Variants in CSF1 observed in about 807,000 individuals in gnomAD.
CSF1 encodes colony stimulating factor 1.
Under a neutral mutation model 48.9 loss-of-function variants are expected in CSF1, and 9 were observed. The ratio of observed to expected loss-of-function variants is 0.18; its 90% CI spans 0.11 to 0.32. The LOEUF (loss-of-function observed/expected upper bound fraction) is 0.32, where lower values mean the gene tolerates loss of function less well. Ranked by LOEUF, CSF1 falls within the 10% of genes least tolerant of loss-of-function variation. CSF1 has a pLI of 1.00. For synonymous variants in CSF1, 305 were observed against 284.1 expected (o/e 1.07, Z -0.74); for missense variants, 672 against 697.9 (o/e 0.96, Z 0.42).
chr1:109,916,550 C>G lies in CSF1; in HGVS notation c.226-743C>G, dbSNP rs1338037170. On this transcript the variant is annotated intron_variant, in intron 3 of 8. Coordinates refer to ENST00000329608, the MANE Select transcript of CSF1 (RefSeq NM_000757.6). ...TCTTTCCAATGACTGTCATGCCTTT[C>G]CACCTGCCCCCCAATCATTATTCCA... Among the ~76,000 whole-genome samples the G allele has an allele frequency of 2.0e-5, 3 of 152,196 alleles. No homozygotes were observed. The South Asian group carries it at 6.2e-4, about 32-fold the overall frequency.
rs143457099 is a variant in CSF1 at position 109,924,020 on chromosome 1, C to A, written c.1399C>A (p.Pro467Thr). The change falls in exon 6 of 9, where the codon CCC becomes ACC. Residue 467 changes from proline (P) to threonine (T), a missense_variant. Pro to Thr is a conservative substitution (Grantham distance 38, BLOSUM62 -1). Around this residue, in one of 3 missense-constraint regions of CSF1, gnomAD observed 591 missense variants for 593.6 expected, o/e 1.00. Coordinates refer to ENST00000329608, the MANE Select transcript of CSF1 (RefSeq NM_000757.6). ...ACCAGCAAGTGAAGGGGCAGCCAGG[C>A]CCCTGCCCCGTTTTAACTCCGTTCC... ...GGPASEGAARPLPRFNSVPLT... is the reference protein window; with the variant it reads ...GGPASEGAARTLPRFNSVPLT... 6.2e-7 allele frequency: 1 copy of A among 1,614,212 alleles called. No individual in the cohort carries two copies. Among genetic ancestry groups the A allele is most frequent in the South Asian group, 1.1e-5 (1 of 91,090 alleles).
Position 109,920,207 on chromosome 1 carries a change from A to C in CSF1, c.397-1640A>C, listed in dbSNP as rs1428392890. Among the ~76,000 whole-genome samples, 8 of 151,442 alleles carry C rather than the reference A, an allele frequency of 5.3e-5. No homozygotes were observed. In the East Asian group the frequency reaches 7.7e-4, roughly 15 times the overall value. On this transcript the variant is annotated intron_variant, in intron 4 of 8. Coordinates refer to ENST00000329608, the MANE Select transcript of CSF1 (RefSeq NM_000757.6). ...AGACTTCATCTCAAAAAAAAAAAAA[A>C]TGTTTACCAGATAGACGTACGAATG... is the stretch of plus-strand genomic sequence containing the variant.
At chr1:109,912,718 G>A (rs952400983) in intron 1 of CSF1, among the ~76,000 whole-genome samples, 6 of 152,160 alleles carry the variant, frequency 3.9e-5, no homozygotes, top group African/African-American at 1.4e-4. Flanking sequence ...TCCAGACCTT[G>A]AGTGGCAGCC....
At position 109,910,901 on chromosome 1, in the gene CSF1, G is replaced by A; in HGVS notation, c.-123G>A. The A allele has an allele frequency of 1.5e-6, 1 of 685,934 alleles. No homozygotes were observed. The highest frequency in any genetic ancestry group is 1.9e-6 in the Non-Finnish European group (1 of 531,362). 42.5% of individuals were successfully genotyped at this position (685,934 alleles called of 1,614,324 possible). A position where few individuals can be genotyped will look rare whatever the true frequency, so the allele number is the denominator to read the frequency against. ...TTGCCTGGGTCCTCTCGGCGCCAGA[G>A]CCGCTCTCCGCATCCCAGGACAGCG... On this transcript the variant is annotated 5_prime_UTR_variant, in exon 1 of 9. Transcript: ENST00000329608.
Position 109,923,740 on chromosome 1 carries a change from G to T in CSF1, c.1119G>T (p.Val373=). The change falls in exon 6 of 9, where the codon GTG becomes GTT. Residue 373 remains valine, a synonymous_variant. Coordinates refer to ENST00000329608, the MANE Select transcript of CSF1 (RefSeq NM_000757.6). ...CCGCCTTGCCCAGGGTGGGCCCCGTGAGGCCCACTGGCCAGGACTGGAATC... is the reference window on the plus strand; with the variant it reads ...CCGCCTTGCCCAGGGTGGGCCCCGTTAGGCCCACTGGCCAGGACTGGAATC... ...TGTALPRVGP[V]RPTGQDWNHT... 1 of 1,611,184 alleles carries T rather than the reference G, an allele frequency of 6.2e-7. No individual in the cohort carries two copies. The highest frequency in any genetic ancestry group is 8.5e-7 in the Non-Finnish European group (1 of 1,178,516).
At chr1:109,928,148 T>C (rs1647919989) in intron 8 of CSF1, among the ~76,000 whole-genome samples, 2 of 152,138 alleles carry the variant, frequency 1.3e-5, no homozygotes, top group African/African-American at 4.8e-5. Context: ...CAAAGCGTCC[T>C]GAGGATGCTG....
In CSF1 at chr1:109,923,791, A is replaced by G. The variant is rs1647697783; in HGVS notation, c.1170A>G (p.Pro390=). The change falls in exon 6 of 9, where the codon CCA becomes CCG. Residue 390 remains proline (P), a synonymous_variant. Coordinates refer to ENST00000329608, the MANE Select transcript of CSF1 (RefSeq NM_000757.6). ...ACACCCCCCAGAAGACAGACCATCC[A>G]TCTGCCCTGCTCAGAGACCCCCCGG... ...WNHTPQKTDH[P]SALLRDPPEP... is the part of the protein sequence containing the mutation. 2.5e-6 allele frequency: 4 copies of G among 1,609,906 alleles called. No homozygotes were observed. In the Admixed American group the frequency reaches 5.0e-5, roughly 20 times the overall value.
chr1:109,914,190 G>A (rs191317982), intron 1 of CSF1, 69 bp from the exon 2 acceptor site: 507 of 1,488,910 alleles, frequency 3.4e-4, no homozygotes, highest in African/African-American at 5.9e-4. Flanking sequence ...GTTTTTCTGC[G>A]TTGAGCAGGG....
Position 109,923,392 on chromosome 1 carries a change from C to T in CSF1, c.771C>T (p.Thr257=). The stretch of plus-strand genomic sequence containing the variant: ...CCAAGCAGCGGCCACCCAGGAGCAC[C>T]TGCCAGAGCTTTGAGCCGCCAGAGA... ...GSAKQRPPRS[T]CQSFEPPETP... Residue 257 remains threonine (T), a synonymous_variant, in exon 6 of 9, where the codon ACC becomes ACT. Coordinates refer to ENST00000329608, the MANE Select transcript of CSF1 (RefSeq NM_000757.6). 1.9e-6 allele frequency: 3 copies of T among 1,613,782 alleles called. No individual in the cohort carries two copies. The highest frequency in any genetic ancestry group is 2.5e-6 in the Non-Finnish European group (3 of 1,179,872).
In CSF1 at chr1:109,930,760, T is replaced by C. The variant is rs1648036032; in HGVS notation, c.*1922T>C. ...GCAGAAGCTCTTTTTGAGCACTTGG[T>C]GGCATCAGAGCAGGAGGAGCCCCAG... is the stretch of plus-strand genomic sequence containing the variant. On this transcript the variant is annotated 3_prime_UTR_variant, in exon 9 of 9. Transcript: ENST00000329608. 6.6e-6 allele frequency: 1 copy of C among 152,212 alleles called. No homozygotes were observed. The highest frequency in any genetic ancestry group is 1.5e-5 in the Non-Finnish European group (1 of 68,032). The allele number at this position is 152,212 out of a possible 1,614,324, so 9.4% of individuals were successfully genotyped here. A position where few individuals can be genotyped will look rare whatever the true frequency, so the allele number is the denominator to read the frequency against.
chr1:109,921,906 C>T lies in CSF1; in HGVS notation c.456C>T (p.Val152=). The T allele has an allele frequency of 6.2e-7, 1 of 1,612,344 alleles. No individual in the cohort carries two copies. Among genetic ancestry groups the T allele is most frequent in the Non-Finnish European group, 8.5e-7 (1 of 1,178,788 alleles). Residue 152 remains valine (V), a synonymous_variant, in exon 5 of 9, where the codon GTC becomes GTT. Transcript: ENST00000329608. ...AGTTGCTGGAGAAGGTCAAGAATGT[C>T]TTTAATGAAACAAAGAATCTCCTTG... ...PLQLLEKVKN[V]FNETKNLLDK...
At position 109,929,751 on chromosome 1, in the gene CSF1, GGCCTCACCAGTCGACTGAGGGA is replaced by G. The variant is rs1341693352; in HGVS notation, c.*917_*938del. 6.5e-6 allele frequency: 1 copy of G among 153,134 alleles called. No individual in the cohort carries two copies. Among genetic ancestry groups the G allele is most frequent in the Admixed American group, 6.5e-5 (1 of 15,278 alleles). 9.5% of individuals were successfully genotyped at this position (153,134 alleles called of 1,614,324 possible). ...TCTCCCCAGCCTCCTGCACTGAGCT[GGCCTCACCAGTCGACTGAGGGA>G]GCCCCTCAGCCCTGACCTTCTCCTG... On this transcript the variant is annotated 3_prime_UTR_variant, in exon 9 of 9. Transcript: ENST00000329608.
In CSF1 at chr1:109,923,842, A is replaced by T; in HGVS notation, c.1221A>T (p.Ser407=). Reference sequence around the variant, plus strand: ...AGCCAGGCTCTCCCAGGATCTCATCACTGCGCCCCCAGGGCCTCAGCAACC... The same window carrying T: ...AGCCAGGCTCTCCCAGGATCTCATCTCTGCGCCCCCAGGGCCTCAGCAACC... ...PPEPGSPRIS[S]LRPQGLSNPS... Residue 407 remains serine (S), a synonymous_variant, in exon 6 of 9, where the codon TCA becomes TCT. Coordinates refer to ENST00000329608, the MANE Select transcript of CSF1 (RefSeq NM_000757.6). The T allele has an allele frequency of 1.2e-6, 2 of 1,613,724 alleles. No homozygotes were observed. Among genetic ancestry groups the T allele is most frequent in the Non-Finnish European group, 1.7e-6 (2 of 1,179,826 alleles).
At chr1:109,911,700 G>C (rs750145129) in intron 1 of CSF1, among the ~76,000 whole-genome samples, 11 of 152,214 alleles carry the variant, frequency 7.2e-5, no homozygotes, top group African/African-American at 1.4e-4. Context: ...GGGCTGCTTG[G>C]GGCTAGCTCA....
intron 4 of CSF1, among the ~76,000 whole-genome samples, chr1:109,918,141 A>G (rs1647339420): frequency 6.6e-6 from 1 of 152,236 alleles, no homozygotes; most frequent in African/African-American, 2.4e-5. Context: ...TGAGCTCCAA[A>G]GATGAGTAAG....
intron 4 of CSF1, among the ~76,000 whole-genome samples, chr1:109,919,016 A>G (rs868027214): frequency 1.3e-5 from 2 of 152,168 alleles, no homozygotes; most frequent in South Asian, 2.1e-4. Flanking sequence ...GCATTCCAAG[A>G]TGGATAAGGG....
chr1:109,917,108 G>A (rs3093044), intron 3 of CSF1, among the ~76,000 whole-genome samples, 185 bp from the exon 4 acceptor site: 33,662 of 151,732 alleles, frequency 0.22, 5,931 homozygotes, highest in African/African-American at 0.49. Flanking sequence ...AGTCTCCAGT[G>A]GCGCTAGATC....
chr1:109,923,001 C>T (rs1169109328), intron 5 of CSF1, among the ~76,000 whole-genome samples, 165 bp from the exon 6 acceptor site: 1 of 152,140 alleles, frequency 6.6e-6, no homozygotes, highest in Non-Finnish European at 1.5e-5. Flanking sequence ...GTCATGAGCA[C>T]CCACTCTAGT....
chr1:109,910,558 G>A (rs565443068), upstream of CSF1: 284 of 318,438 alleles, frequency 8.9e-4, 2 homozygotes, highest in South Asian at 3.1e-3. Context: ...AGGGCGCGGG[G>A]AAGGCAGGGT....
Sources: allele counts gnomAD v4.1 joint callset (sites outside exome capture counted in the v4.1 genomes callset), GRCh38; gene constraint gnomAD v4.1.1; regional missense constraint gnomAD v4.1.1; transcripts MANE v1.5; gene names NCBI Gene and HGNC (gene_info 2026-07-23, HGNC 2026-07-21).